GTF3C1: variants seen among roughly 807,000 people sequenced by gnomAD.
GTF3C1 encodes the protein general transcription factor IIIC subunit 1, also known as general transcription factor 3C polypeptide 1.
A neutral mutation model predicts 226.7 loss-of-function variants in GTF3C1; 57 were observed. The observed-to-expected ratio is 0.25, with a 90% CI of 0.20 to 0.31. The LOEUF (loss-of-function observed/expected upper bound fraction) is 0.31, where lower values mean the gene tolerates loss of function less well. GTF3C1 is among the 10% of genes least tolerant of loss of function. GTF3C1 has a pLI of 1.00. For missense variants in GTF3C1, 2,217 were observed against 2,776.1 expected (o/e 0.80, Z 4.53); for synonymous variants, 1,090 against 1,084.8 (o/e 1.00, Z -0.09).
chr16:27,509,308 C>T (rs775703824), intron 7 of GTF3C1, among the ~76,000 whole-genome samples: 6 of 152,148 alleles, frequency 3.9e-5, no homozygotes, highest in South Asian at 2.1e-4. Context: ...GTATATCTGC[C>T]GCTCAGAGGC....
chr16:27,547,443 C>A (rs1400387028), intron 1 of GTF3C1, among the ~76,000 whole-genome samples: 1 of 152,090 alleles, frequency 6.6e-6, no homozygotes, highest in Admixed American at 6.6e-5. Context: ...CCAGACTCAA[C>A]CCCCACGCTG....
chr16:27,514,898 C>T (rs1044488567), intron 6 of GTF3C1, among the ~76,000 whole-genome samples: 3 of 152,320 alleles, frequency 2.0e-5, no homozygotes, highest in Middle Eastern at 3.4e-3. Context: ...AGAAGAGCGG[C>T]GCGGCGCCAG....
intron 6 of GTF3C1, among the ~76,000 whole-genome samples, chr16:27,528,304 TAG>T: frequency 6.6e-6 from 1 of 152,158 alleles, no homozygotes; most frequent in Admixed American, 6.5e-5. Context: ...AGAAGGAGAC[TAG>T]AGTGGCTTAA....
Position 27,537,681 on chromosome 16 carries a change from T to TA in GTF3C1, c.752+102dup. On this transcript the variant is annotated intron_variant, in intron 4 of 36. Transcript: ENST00000356183. ...CCTCAGCCTCCCAAAGGGCTATGAT[T>TA]ACAGGTATGAGCCACTGTACCCAGC... 3.8e-6 allele frequency: 3 copies of TA among 780,176 alleles called. 1 individual carries two copies. The South Asian group carries it at 5.5e-5, about 14-fold the overall frequency. The allele number at this position is 780,176 out of a possible 1,614,324, so 48.3% of individuals were successfully genotyped here.
chr16:27,488,167 G>C, intron 23 of GTF3C1, 60 bp downstream of exon 23: 2 of 1,462,300 alleles, frequency 1.4e-6, no homozygotes, highest in Non-Finnish European at 1.9e-6. Flanking sequence ...TGAGGCTGTC[G>C]CACATCTCCA....
Position 27,465,560 on chromosome 16 carries a change from G to T in GTF3C1, c.5075-20C>A. ...GAGCGGCTGTGGGGACACAGAGGAAGATCAGAGGCAGCCCGACAGAGGCCC... is the reference window on the plus strand; with the variant it reads ...GAGCGGCTGTGGGGACACAGAGGAATATCAGAGGCAGCCCGACAGAGGCCC... On this transcript the variant is annotated intron_variant, in intron 32 of 36. Coordinates refer to ENST00000356183, the MANE Select transcript of GTF3C1 (RefSeq NM_001520.4). 1 of 1,584,548 alleles carries T rather than the reference G, an allele frequency of 6.3e-7. No individual in the cohort carries two copies. Among genetic ancestry groups the T allele is most frequent in the Admixed American group, 1.7e-5 (1 of 58,116 alleles).
chr16:27,514,870 G>A (rs1329839230), intron 6 of GTF3C1, among the ~76,000 whole-genome samples: 1 of 152,168 alleles, frequency 6.6e-6, no homozygotes, highest in Non-Finnish European at 1.5e-5. Flanking sequence ...GATTCAAAAC[G>A]TCCCTGTGAC....
chr16:27,506,112 C>T lies in GTF3C1; in HGVS notation c.1557G>A (p.Gly519=), dbSNP rs1229264562. The change falls in exon 10 of 37, where the codon GGG becomes GGA. Residue 519 remains glycine (G), a synonymous_variant. Coordinates refer to ENST00000356183, the MANE Select transcript of GTF3C1 (RefSeq NM_001520.4). ...QPHHSTPTKG[G]WKVVNLHPLK... is the part of the protein sequence containing the mutation. ...ATGGGTGTAGGTTTACAACTTTCCA[C>T]CCACCTGTGGTGGAGGGAAGAGATA... 3 of 1,597,232 alleles carry T rather than the reference C, an allele frequency of 1.9e-6. No homozygotes were observed. The highest frequency in any genetic ancestry group is 1.3e-5 in the African/African-American group (1 of 74,684).
intron 5 of GTF3C1, 37 bp downstream of exon 5, chr16:27,533,254 C>G (rs1201799752): frequency 9.5e-7 from 1 of 1,048,934 alleles, no homozygotes; most frequent in Admixed American, 1.7e-5. Context: ...TGGTACAGAT[C>G]ACACCCAGCC....
chr16:27,529,013 G>A (rs1428840074), intron 5 of GTF3C1, among the ~76,000 whole-genome samples: 1 of 152,080 alleles, frequency 6.6e-6, no homozygotes, highest in African/African-American at 2.4e-5. Context: ...GGAGACTGAA[G>A]ACTTCATCTG....
intron 1 of GTF3C1, 39 bp downstream of exon 1, chr16:27,549,631 G>C: frequency 2.2e-4 from 155 of 691,654 alleles, no homozygotes; most frequent in South Asian, 9.5e-4. Context: ...CGGGCCCTGC[G>C]CCCGCCCGCC....
At chr16:27,541,289 T>C (rs2089078598) in intron 2 of GTF3C1, among the ~76,000 whole-genome samples, 1 of 152,128 alleles carries the variant, frequency 6.6e-6, no homozygotes, top group South Asian at 2.1e-4. Flanking sequence ...TGGAGTGTGG[T>C]AGCCAGCTAG....
Position 27,471,807 on chromosome 16 carries a change from C to T in GTF3C1, c.4467G>A (p.Lys1489=). 2 of 1,614,038 alleles carry T rather than the reference C, an allele frequency of 1.2e-6. No individual in the cohort carries two copies. The highest frequency in any genetic ancestry group is 1.7e-5 in the Admixed American group (1 of 60,022). The change falls in exon 30 of 37, where the codon AAG becomes AAA. Residue 1489 remains lysine (K), a synonymous_variant. Coordinates refer to ENST00000356183, the MANE Select transcript of GTF3C1 (RefSeq NM_001520.4). This position sits in a 1 kb window ranked among gnomAD's most constrained non-coding sequence, Gnocchi z 5.0. ...RRRVNHTLGP[K]KNRALPFVPM... is the part of the protein sequence containing the mutation. ...GCACGAAGGGGAGGGCCCGGTTCTT[C>T]TTGGGGCCCAGCGTGTGGTTGACCC...
intron 6 of GTF3C1, among the ~76,000 whole-genome samples, chr16:27,519,076 C>T (rs1339087999): frequency 6.6e-6 from 1 of 152,090 alleles, no homozygotes; most frequent in Non-Finnish European, 1.5e-5. Flanking sequence ...GAGAAAGAGA[C>T]AGGATGGGGC....
At chr16:27,519,738 C>CAGAAGGAAAGAAAGGAAAGAGAG (rs2088716481) in intron 6 of GTF3C1, among the ~76,000 whole-genome samples, 1 of 151,778 alleles carries the variant, frequency 6.6e-6, no homozygotes, top group African/African-American at 2.4e-5. Context: ...GAGAGAGAGA[C>CAGAAGGAAAGAAAGGAAAGAGAG]AGAAGGAAAG....
At chr16:27,491,179 A>G (rs1351260330) in intron 19 of GTF3C1, among the ~76,000 whole-genome samples, 2 of 152,242 alleles carry the variant, frequency 1.3e-5, no homozygotes, top group Non-Finnish European at 2.9e-5. Flanking sequence ...AATTCTGCCA[A>G]GCAAAATGTG....
At chr16:27,506,635 T>A (rs569895779) in intron 9 of GTF3C1, among the ~76,000 whole-genome samples, 1 of 152,246 alleles carries the variant, frequency 6.6e-6, no homozygotes, top group African/African-American at 2.4e-5. Flanking sequence ...ACAAAACACG[T>A]GCCACGAAGA....
intron 6 of GTF3C1, 120 bp from the exon 7 acceptor site, chr16:27,512,021 C>T: frequency 2.8e-6 from 3 of 1,066,286 alleles, no homozygotes; most frequent in South Asian, 2.9e-5. Flanking sequence ...ACAAAGGTCA[C>T]ACATATCACC....
chr16:27,464,189 G>T, intron 34 of GTF3C1, 131 bp downstream of exon 34: 1 of 524,828 alleles, frequency 1.9e-6, no homozygotes, highest in Non-Finnish European at 3.1e-6. Context: ...GCTCTGAGAA[G>T]CTGAAGTCAA....
Sources: gnomAD v4.1 joint callset for allele counts (sites outside exome capture counted in the v4.1 genomes callset) on GRCh38, gnomAD v4.1.1 for gene constraint, Gnocchi (gnomAD v3.1) non-coding constraint, MANE v1.5 for transcripts, NCBI Gene and HGNC (gene_info 2026-07-23, HGNC 2026-07-21) for gene names.